Variants in MTSS1 observed in about 807,000 individuals in gnomAD.
The protein encoded by MTSS1 is protein MTSS 1.
Under a neutral mutation model 79.0 loss-of-function variants are expected in MTSS1, and 18 were observed. That is an observed-to-expected ratio of 0.23 (90% CI 0.16 to 0.34). The LOEUF (loss-of-function observed/expected upper bound fraction) is 0.34, where lower values mean the gene tolerates loss of function less well. Among genes scored for constraint, MTSS1 ranks in the 10% least tolerant of loss-of-function variants. MTSS1 has a pLI of 1.00. For synonymous variants in MTSS1, 341 were observed against 368.6 expected (o/e 0.93, Z 0.86); for missense variants, 815 against 986.2 (o/e 0.83, Z 2.33).
In MTSS1 at chr8:124,568,489, T is replaced by C; in HGVS notation, c.508A>G (p.Asn170Asp). 1 of 1,614,170 alleles carries C rather than the reference T, an allele frequency of 6.2e-7. No homozygotes were observed. The highest frequency in any genetic ancestry group is 8.5e-7 in the Non-Finnish European group (1 of 1,180,028). The change falls in exon 7 of 14, where the codon AAT becomes GAT. Residue 170 changes from asparagine (N) to aspartate (D), a missense_variant. Asn to Asp is a conservative substitution (Grantham distance 23, BLOSUM62 1). This residue lies in a region of MTSS1 where 225 missense variants were observed against 365.4 expected (regional missense o/e 0.62). Coordinates refer to ENST00000518547, the MANE Select transcript of MTSS1 (RefSeq NM_014751.6). Reference protein sequence around the residue: ...PQLDSALQDVNDKYLLLEETE... With the variant: ...PQLDSALQDVDDKYLLLEETE... ...TCTTCCAATAAGAGATACTTATCAT[T>C]GACATCTTGGAGAGCACTGTCCAAC... is the stretch of plus-strand genomic sequence containing the variant.
intron 3 of MTSS1, among the ~76,000 whole-genome samples, chr8:124,690,204 A>C (rs1827717840): frequency 6.6e-6 from 1 of 152,168 alleles, no homozygotes; most frequent in Non-Finnish European, 1.5e-5. Flanking sequence ...GCATTGATGA[A>C]GGCTGCCGAG....
chr8:124,601,741 G>A (rs892557157), intron 3 of MTSS1, among the ~76,000 whole-genome samples: 2 of 152,214 alleles, frequency 1.3e-5, no homozygotes, highest in Non-Finnish European at 2.9e-5. Context: ...TACACCATCT[G>A]CTGCCCCGGG....
chr8:124,624,851 G>A (rs1188743472), intron 3 of MTSS1, among the ~76,000 whole-genome samples: 1 of 152,178 alleles, frequency 6.6e-6, no homozygotes, highest in Non-Finnish European at 1.5e-5. Context: ...ACACAAAGCT[G>A]TTTGCTACCC....
intron 3 of MTSS1, among the ~76,000 whole-genome samples, chr8:124,652,882 T>A (rs1017895649): frequency 6.6e-6 from 1 of 151,662 alleles, no homozygotes; most frequent in Non-Finnish European, 1.5e-5. Flanking sequence ...CCACCTAAAA[T>A]GCTCTGAAGT....
chr8:124,640,985 T>C (rs1192835243), intron 3 of MTSS1, among the ~76,000 whole-genome samples: 1 of 152,030 alleles, frequency 6.6e-6, no homozygotes, highest in Non-Finnish European at 1.5e-5. Context: ...AAAAACGAGT[T>C]CTCTTTTCAC....
At chr8:124,574,101 T>C (rs4443647) in intron 6 of MTSS1, among the ~76,000 whole-genome samples, 40,229 of 151,838 alleles carry the variant, frequency 0.26, 5,819 homozygotes, top group African/African-American at 0.36. Context: ...CAAGACAGTA[T>C]GTCCGACTAA....
rs566591949 is a variant in MTSS1, at chr8:124,623,051, CA to C, written c.209-31817del. Among the ~76,000 whole-genome samples, 335 of 152,342 alleles carry C rather than the reference CA, an allele frequency of 2.2e-3. 2 individuals are homozygous for C. The highest frequency in any genetic ancestry group is 2.2e-3 in the Non-Finnish European group (149 of 68,032). ...GCCTTTCTCACACCTTCCAGGAGGG[CA>C]GGTCACTGCGATGAGAGGAAGCACT... On this transcript the variant is annotated intron_variant, in intron 3 of 13. Coordinates refer to ENST00000518547, the MANE Select transcript of MTSS1 (RefSeq NM_014751.6).
intron 3 of MTSS1, among the ~76,000 whole-genome samples, chr8:124,610,638 G>A (rs1835634659): frequency 6.6e-6 from 1 of 152,162 alleles, no homozygotes; most frequent in Non-Finnish European, 1.5e-5. Flanking sequence ...ATAGTCATCT[G>A]GACTCAGTTG....
chr8:124,554,198 G>A (rs1299078566), intron 13 of MTSS1, among the ~76,000 whole-genome samples: 2 of 152,236 alleles, frequency 1.3e-5, no homozygotes, highest in African/African-American at 4.8e-5. Context: ...TCAGTGTCAT[G>A]TGCTCACTTC....
chr8:124,676,090 T>G (rs1429240934), intron 3 of MTSS1, among the ~76,000 whole-genome samples: 2 of 152,150 alleles, frequency 1.3e-5, no homozygotes, highest in African/African-American at 4.8e-5. Flanking sequence ...CACCCCACTT[T>G]TATAATAAGA....
rs1421376467 is a variant in MTSS1 at position 124,717,349 on chromosome 8, AG to A, written c.72+10534del. ...TTTACTAAAGATACAAAAAAAAAAA[AG>A]CCGGGTGTGGTGGTGCATGTCTATA... On this transcript the variant is annotated intron_variant, in intron 1 of 13. Transcript: ENST00000518547. Among the ~76,000 whole-genome samples, 233 of 151,704 alleles carry A rather than the reference AG, an allele frequency of 1.5e-3. 2 individuals carry two copies. The highest frequency in any genetic ancestry group is 5.3e-3 in the African/African-American group (220 of 41,178).
rs966789550 is a variant in MTSS1 at position 124,694,224 on chromosome 8, G to A, written c.208+5302C>T. ...CAGGGACTTGCGCGGAGTACAGAGC[G>A]GACGACACACTCCCTCTTAGTCAGC... On this transcript the variant is annotated intron_variant, in intron 3 of 13. Coordinates refer to ENST00000518547, the MANE Select transcript of MTSS1 (RefSeq NM_014751.6). Among the ~76,000 whole-genome samples, 5 of 152,006 alleles carry A rather than the reference G, an allele frequency of 3.3e-5. No individual in the cohort carries two copies. The East Asian group carries it at 7.7e-4, about 23-fold the overall frequency.
chr8:124,647,531 C>T (rs1819214176), intron 3 of MTSS1, among the ~76,000 whole-genome samples: 1 of 152,126 alleles, frequency 6.6e-6, no homozygotes, highest in Non-Finnish European at 1.5e-5. Flanking sequence ...TAGATCTCCA[C>T]AACTTATTCA....
chr8:124,573,890 C>A (rs77803065), intron 6 of MTSS1, among the ~76,000 whole-genome samples: 1,959 of 152,322 alleles, frequency 0.013, 16 homozygotes, highest in Non-Finnish European at 0.015. Context: ...CTTATCCCCC[C>A]ACCCCAGGGG....
rs2131640645 is a variant in MTSS1 at position 124,551,744 on chromosome 8, A to G, written c.*1248T>C. On this transcript the variant is annotated 3_prime_UTR_variant, in exon 14 of 14. Transcript: ENST00000518547. ...CTTAGAAAAGACAAATCTTTTCCAA[A>G]AAACATTTACCCAGAATACAAAAAA... The G allele has an allele frequency of 6.9e-6, 1 of 144,712 alleles. No individual in the cohort carries two copies. Among genetic ancestry groups the G allele is most frequent in the East Asian group, 2.2e-4 (1 of 4,574 alleles). The allele number at this position is 144,712 out of a possible 1,614,324, so 9.0% of individuals were successfully genotyped here.
intron 3 of MTSS1, among the ~76,000 whole-genome samples, chr8:124,612,364 G>A (rs893892037): frequency 7.9e-5 from 12 of 152,178 alleles, no homozygotes; most frequent in Non-Finnish European, 1.6e-4. Flanking sequence ...CACAGGAAAC[G>A]GCATAGGCAG....
chr8:124,614,163 C>CA (rs3050528), intron 3 of MTSS1, among the ~76,000 whole-genome samples: 20,720 of 91,808 alleles, frequency 0.23, 2,184 homozygotes, highest in South Asian at 0.36. Context: ...ATACCTGCCT[C>CA]AAAAAAAAAA....
chr8:124,618,021 CATGTAAG>C (rs1297218687), intron 3 of MTSS1, among the ~76,000 whole-genome samples: 1 of 152,098 alleles, frequency 6.6e-6, no homozygotes, highest in Non-Finnish European at 1.5e-5. Flanking sequence ...GGTAAAGTAT[CATGTAAG>C]AGTACTCACC....
chr8:124,715,317 T>C (rs1023509955), intron 1 of MTSS1, among the ~76,000 whole-genome samples: 1 of 152,230 alleles, frequency 6.6e-6, no homozygotes, highest in East Asian at 1.9e-4. Flanking sequence ...CCATATTCCC[T>C]TTTTTATGTT....
Sources: gnomAD v4.1 joint callset for allele counts (sites outside exome capture counted in the v4.1 genomes callset) on GRCh38, gnomAD v4.1.1 for gene constraint, gnomAD v4.1.1 regional missense constraint, MANE v1.5 for transcripts, NCBI Gene and HGNC (gene_info 2026-07-23, HGNC 2026-07-21) for gene names.